Variants in SYT16 observed in about 807,000 individuals in gnomAD.
SYT16 encodes the protein synaptotagmin-16.
In SYT16, 42 loss-of-function variants were observed where a neutral mutation model predicts 61.4. The observed-to-expected ratio is 0.68, with a 90% confidence interval of 0.53 to 0.89. The LOEUF is 0.89. Ranked by LOEUF, SYT16 falls within the 40% of genes least tolerant of loss-of-function variation. SYT16 has a pLI of 0.00. For synonymous variants in SYT16, 314 were observed against 302.3 expected (o/e 1.04, Z -0.40); for missense variants, 804 against 807.3 (o/e 1.00, Z 0.05).
intron 3 of SYT16, among the ~76,000 whole-genome samples, chr14:62,020,597 A>G (rs1463479340): frequency 6.6e-6 from 1 of 152,160 alleles, no homozygotes; most frequent in Non-Finnish European, 1.5e-5. Context: ...AAAGTTGTCC[A>G]TGTTTTCATT....
chr14:62,021,568 C>G (rs988652831), intron 3 of SYT16, among the ~76,000 whole-genome samples: 7 of 151,990 alleles, frequency 4.6e-5, no homozygotes, highest in African/African-American at 1.7e-4. Flanking sequence ...TCTGTCCTTC[C>G]CCCAATGGCT....
intron 1 of SYT16, among the ~76,000 whole-genome samples, chr14:61,831,269 TTG>T (rs1174278897): frequency 6.6e-6 from 1 of 152,238 alleles, no homozygotes; most frequent in African/African-American, 2.4e-5. Context: ...TTGAAGCTTT[TTG>T]TTTTTTGTAC....
chr14:62,043,279 A>G (rs2054814642), intron 3 of SYT16, among the ~76,000 whole-genome samples: 1 of 152,092 alleles, frequency 6.6e-6, no homozygotes, highest in Admixed American at 6.6e-5. Flanking sequence ...GAGGAATGCT[A>G]AAGTTTCGCT....
intron 1 of SYT16, among the ~76,000 whole-genome samples, chr14:61,951,381 T>A (rs1404555403): frequency 6.6e-6 from 1 of 152,236 alleles, no homozygotes; most frequent in East Asian, 1.9e-4. Context: ...ATATTTGTTT[T>A]AGGCTGCAAG....
intron 3 of SYT16, among the ~76,000 whole-genome samples, chr14:62,010,783 T>C (rs2053416316): frequency 6.6e-6 from 1 of 152,154 alleles, no homozygotes; most frequent in Non-Finnish European, 1.5e-5. Context: ...AGCAGTATCT[T>C]CTTAAGCTGT....
intron 1 of SYT16, among the ~76,000 whole-genome samples, chr14:61,858,120 C>CAAAAAAAAAAAA (rs34781118): frequency 0.017 from 728 of 41,916 alleles, no homozygotes; most frequent in Non-Finnish European, 0.028. Flanking sequence ...CACAGCTTGG[C>CAAAAAAAAAAAA]AAAAAAAAAA....
chr14:62,017,368 T>C (rs911609002), intron 3 of SYT16, among the ~76,000 whole-genome samples: 2 of 152,180 alleles, frequency 1.3e-5, no homozygotes, highest in Non-Finnish European at 2.9e-5. Flanking sequence ...CCTAATCTCA[T>C]TCACATGCTG....
chr14:61,945,687 C>A (rs2050397995), intron 1 of SYT16, among the ~76,000 whole-genome samples: 2 of 151,724 alleles, frequency 1.3e-5, no homozygotes, highest in South Asian at 4.2e-4. Flanking sequence ...AACCCCGTCT[C>A]TACTAAAAAA....
chr14:61,895,200 TAAC>T (rs1217625224), intron 1 of SYT16, among the ~76,000 whole-genome samples: 2 of 152,240 alleles, frequency 1.3e-5, no homozygotes, highest in African/African-American at 4.8e-5. Flanking sequence ...GGTAGGTTGA[TAAC>T]AACTTAACCT....
intron 3 of SYT16, among the ~76,000 whole-genome samples, chr14:62,045,715 T>G (rs888594066): frequency 6.6e-5 from 10 of 152,156 alleles, no homozygotes; most frequent in African/African-American, 9.7e-5. Context: ...TGGTTTTTTG[T>G]CCTTGCAATA....
intron 3 of SYT16, among the ~76,000 whole-genome samples, chr14:62,064,445 C>A: frequency 6.7e-6 from 1 of 150,284 alleles, no homozygotes; most frequent in East Asian, 2.0e-4. Flanking sequence ...TTGTTTGGTG[C>A]GATGGTGGGC....
At chr14:62,011,566 G>T (rs1349363504) in intron 3 of SYT16, among the ~76,000 whole-genome samples, 1 of 152,018 alleles carries the variant, frequency 6.6e-6, no homozygotes, top group African/African-American at 2.4e-5. Flanking sequence ...TGGTGTTTGG[G>T]GTAGAGAGCT....
chr14:61,888,066 C>T (rs1439116624), intron 1 of SYT16, among the ~76,000 whole-genome samples: 1 of 151,918 alleles, frequency 6.6e-6, no homozygotes, highest in African/African-American at 2.4e-5. Context: ...ACAATTCCTT[C>T]CACTTGAACA....
At chr14:61,882,146 T>A (rs552744144) in intron 1 of SYT16, among the ~76,000 whole-genome samples, 273 of 152,300 alleles carry the variant, frequency 1.8e-3, no homozygotes, top group Non-Finnish European at 3.4e-3. Flanking sequence ...ACAGGTCTAA[T>A]TAAATCACCC....
chr14:62,065,133 A>G (rs971983696), intron 3 of SYT16, among the ~76,000 whole-genome samples: 18 of 152,186 alleles, frequency 1.2e-4, no homozygotes, highest in African/African-American at 3.9e-4. Context: ...CACTCTTCAC[A>G]GGTTTCAGGG....
At chr14:61,817,311 G>A (rs1296410860) in intron 1 of SYT16, among the ~76,000 whole-genome samples, 1 of 151,744 alleles carries the variant, frequency 6.6e-6, no homozygotes, top group Non-Finnish European at 1.5e-5. Flanking sequence ...CCAGCTACTT[G>A]GGAGGCGGAG....
At chr14:62,093,523 T>G (rs1363584620) in intron 7 of SYT16, among the ~76,000 whole-genome samples, 2 of 152,110 alleles carry the variant, frequency 1.3e-5, no homozygotes, top group Non-Finnish European at 2.9e-5. Context: ...CAGTTTATAC[T>G]GGGTCCACCT....
intron 1 of SYT16, among the ~76,000 whole-genome samples, chr14:61,886,186 G>T (rs774312454): frequency 2.6e-5 from 4 of 151,948 alleles, no homozygotes; most frequent in Admixed American, 2.0e-4. Context: ...GGATGGTCTC[G>T]ATCTCCTGAC....
intron 1 of SYT16, among the ~76,000 whole-genome samples, chr14:61,938,891 T>C (rs890009528): frequency 6.6e-6 from 1 of 152,102 alleles, no homozygotes; most frequent in African/African-American, 2.4e-5. Context: ...TTCCAGCACT[T>C]TGGGAGGCCA....
Sources: gnomAD v4.1 joint callset for allele counts (sites outside exome capture counted in the v4.1 genomes callset) on GRCh38, gnomAD v4.1.1 for gene constraint, MANE v1.5 for transcripts, NCBI Gene and HGNC (gene_info 2026-07-23, HGNC 2026-07-21) for gene names.